The following GPR107 variants were observed in gnomAD, a reference collection of about 807,000 sequenced individuals.
The protein encoded by GPR107 is G protein-coupled receptor 107, also known as protein GPR107.
In GPR107, 31 loss-of-function variants were observed where a neutral mutation model predicts 75.5. That is an observed-to-expected ratio of 0.41 (90% CI 0.31 to 0.55). GPR107 has a LOEUF of 0.55. GPR107 is among the 20% of genes least tolerant of loss of function. The pLI, the probability that GPR107 is intolerant of heterozygous loss-of-function variation, is 0.26. For synonymous variants in GPR107, 267 were observed against 251.3 expected, an observed-to-expected ratio of 1.06 and a Z score of -0.59; for missense variants, 572 against 665.7, an observed-to-expected ratio of 0.86 and a Z score of 1.55.
intron 16 of GPR107, among the ~76,000 whole-genome samples, chr9:130,127,943 T>C (rs908962603): frequency 2.0e-5 from 3 of 152,214 alleles, no homozygotes; most frequent in Non-Finnish European, 2.9e-5. Context: ...TCTCAAGTGA[T>C]CCGCCCACCT....
intron 4 of GPR107, among the ~76,000 whole-genome samples, chr9:130,078,733 T>C (rs752920622): frequency 3.3e-5 from 5 of 152,222 alleles, no homozygotes; most frequent in Non-Finnish European, 5.9e-5. Context: ...ATCATTCATA[T>C]CCAGCCAAGG....
chr9:130,074,438 A>T (rs889226761), intron 1 of GPR107, among the ~76,000 whole-genome samples: 1 of 152,186 alleles, frequency 6.6e-6, no homozygotes, highest in African/African-American at 2.4e-5. Flanking sequence ...AATTTAGCCA[A>T]ATCTCAATAT....
chr9:130,057,836 A>AT (rs71387306), intron 1 of GPR107, among the ~76,000 whole-genome samples: 80,815 of 146,134 alleles, frequency 0.55, 22,417 homozygotes, highest in East Asian at 0.8. Flanking sequence ...TATTATTATT[A>AT]TTTTTTTTTT....
chr9:130,083,560 T>A lies in GPR107; in HGVS notation c.527-5T>A. The A allele has an allele frequency of 6.6e-7, 1 of 1,517,166 alleles. No individual in the cohort carries two copies. The highest frequency in any genetic ancestry group is 1.7e-4 in the Middle Eastern group (1 of 5,778). The allele number at this position is 1,517,166 out of a possible 1,614,324, so 94.0% of individuals were successfully genotyped here. On this transcript the variant is annotated splice_region_variant and splice_polypyrimidine_tract_variant and intron_variant, in intron 5 of 17. Coordinates refer to ENST00000347136, the MANE Select transcript of GPR107 (RefSeq NM_020960.5). ...GCACTCTCTTTTAAATGTTCTTGCT[T>A]CTAGATGGTGGAAAGTCTAAAAGAA...
chr9:130,076,357 A>G, intron 2 of GPR107, 55 bp from the exon 3 acceptor site: 2 of 1,087,110 alleles, frequency 1.8e-6, no homozygotes, highest in Non-Finnish European at 2.8e-6. Context: ...TTTGAGTAAG[A>G]AAAGTATGGA....
intron 17 of GPR107, among the ~76,000 whole-genome samples, chr9:130,131,833 C>T (rs1236090950): frequency 1.3e-5 from 2 of 152,160 alleles, no homozygotes; most frequent in Admixed American, 1.3e-4. Context: ...CGTGCCTGGG[C>T]TTTGTGGTGG....
intron 9 of GPR107, among the ~76,000 whole-genome samples, chr9:130,092,836 G>C (rs1016380997): frequency 9.2e-5 from 14 of 152,108 alleles, no homozygotes; most frequent in African/African-American, 3.4e-4. Flanking sequence ...AGCCAGGATG[G>C]TCTTGATCTC....
chr9:130,091,485 T>TAA (rs559590508), intron 8 of GPR107, among the ~76,000 whole-genome samples: 1 of 141,966 alleles, frequency 7.0e-6, no homozygotes, highest in South Asian at 2.2e-4. Flanking sequence ...TGTCTCAAAT[T>TAA]AAAAAAAAAA....
Position 130,112,140 on chromosome 9 carries a change from G to T in GPR107, c.1306+4601G>T, listed in dbSNP as rs1356679793. Among the ~76,000 whole-genome samples the T allele has an allele frequency of 1.3e-5, 2 of 152,190 alleles. No homozygotes were observed. Among genetic ancestry groups the T allele is most frequent in the South Asian group, 2.1e-4 (1 of 4,816 alleles). ...CTGCTGCTCACCATCCTTTTTTTGG[G>T]CCTTGTGTTTCTGAGGAAAAGTCAG... On this transcript the variant is annotated intron_variant, in intron 14 of 17. Transcript: ENST00000347136. This position sits in a 1 kb window ranked among gnomAD's most constrained non-coding sequence, Gnocchi z 4.0.
chr9:130,111,282 A>G (rs1831294953), intron 14 of GPR107, among the ~76,000 whole-genome samples: 1 of 152,122 alleles, frequency 6.6e-6, no homozygotes, highest in Non-Finnish European at 1.5e-5. Flanking sequence ...CCTGGGTGAC[A>G]TAATAGCAAG....
rs372051410 is a variant in GPR107, at chr9:130,077,360, T to C, written c.368T>C (p.Leu123Pro). Residue 123 changes from leucine (L) to proline (P), a missense_variant, in exon 4 of 18, where the codon CTA (leucine) becomes CCA (proline). Transcript: ENST00000347136. ...TCTGTCTCTGTCACCCTTTTAATCC[T>C]AGACATCTCCAGAAGTGAGTAAGTA... ...KQSVSVTLLI[L>P]DISRSEVRVK... 4 of 1,520,638 alleles carry C rather than the reference T, an allele frequency of 2.6e-6. No individual in the cohort carries two copies. In the African/African-American group the frequency reaches 5.5e-5, roughly 21 times the overall value. The allele number at this position is 1,520,638 out of a possible 1,614,324, so 94.2% of individuals were successfully genotyped here.
intron 1 of GPR107, among the ~76,000 whole-genome samples, chr9:130,059,655 T>C (rs902319795): frequency 6.6e-6 from 1 of 152,220 alleles, no homozygotes; most frequent in African/African-American, 2.4e-5. Flanking sequence ...CAAATTTTCA[T>C]TGGTCATAAA....
intron 1 of GPR107, among the ~76,000 whole-genome samples, chr9:130,062,931 C>G (rs1254441487): frequency 6.6e-6 from 1 of 152,076 alleles, no homozygotes; most frequent in Admixed American, 6.6e-5. Context: ...GGTCTTGCTA[C>G]TTTGTCCAGG....
intron 12 of GPR107, 85 bp downstream of exon 12, chr9:130,101,308 C>A: frequency 1.3e-6 from 1 of 755,246 alleles, no homozygotes; most frequent in South Asian, 1.5e-5. Flanking sequence ...AAGAGGGAGT[C>A]ACCTCACCCT....
intron 4 of GPR107, among the ~76,000 whole-genome samples, chr9:130,078,746 C>A (rs1405990380): frequency 6.6e-6 from 1 of 152,218 alleles, no homozygotes; most frequent in East Asian, 1.9e-4. Flanking sequence ...AGCCAAGGGA[C>A]AGAGAGCAGG....
intron 17 of GPR107, among the ~76,000 whole-genome samples, chr9:130,134,362 C>A (rs1427397712): frequency 6.6e-6 from 1 of 152,198 alleles, no homozygotes. Flanking sequence ...ATTTTTAATC[C>A]TTGATTTCAA....
intron 17 of GPR107, chr9:130,129,735 T>G (rs148449243): frequency 6.6e-6 from 1 of 152,318 alleles, no homozygotes; most frequent in African/African-American, 2.4e-5. Context: ...GAGGCACACA[T>G]GTCAGGCTGG....
Position 130,124,961 on chromosome 9 carries a change from C to A in GPR107, c.1353C>A (p.Val451=). ...AKLKLFRHYY[V]LIVCYIYFTR... ...TGAAACTTTTCAGACATTATTACGT[C>A]TTGGTAAGTAAAAAAAAAAAAAATC... Residue 451 remains valine, a synonymous_variant, in exon 15 of 18, where the codon GTC becomes GTA. Transcript: ENST00000347136. The A allele has an allele frequency of 3.0e-6, 4 of 1,342,624 alleles. No individual in the cohort carries two copies. The highest frequency in any genetic ancestry group is 2.5e-5 in the East Asian group (1 of 40,206). 83.2% of individuals were successfully genotyped at this position (1,342,624 alleles called of 1,614,324 possible).
At chr9:130,092,539 T>C (rs991758726) in intron 9 of GPR107, among the ~76,000 whole-genome samples, 158 bp downstream of exon 9, 1 of 152,220 alleles carries the variant, frequency 6.6e-6, no homozygotes, top group Non-Finnish European at 1.5e-5. Context: ...GGGAGCATTA[T>C]GGTGTGGGAG....
Sources: gnomAD v4.1 joint callset for allele counts (sites outside exome capture counted in the v4.1 genomes callset) on GRCh38, gnomAD v4.1.1 for gene constraint, Gnocchi (gnomAD v3.1) non-coding constraint, MANE v1.5 for transcripts, NCBI Gene and HGNC (gene_info 2026-07-23, HGNC 2026-07-21) for gene names.